The following PPP1R13L variants were observed in gnomAD, a reference collection of about 807,000 sequenced individuals.
The protein encoded by PPP1R13L is protein phosphatase 1 regulatory subunit 13 like, also known as relA-associated inhibitor.
A neutral mutation model predicts 80.9 loss-of-function variants in PPP1R13L; 50 were observed. The observed-to-expected ratio is 0.62, with a 90% CI of 0.49 to 0.78. The LOEUF is 0.78. Among genes scored for constraint, PPP1R13L ranks in the 30% least tolerant of loss-of-function variants. The probability of loss-of-function intolerance (pLI) is 0.00; values close to 1 mark genes in which losing one functional copy is unlikely to be tolerated. For synonymous variants in PPP1R13L, 602 were observed against 534.3 expected (o/e 1.13, Z -1.75); for missense variants, 1,200 against 1,205.9 (o/e 1.00, Z 0.07).
Position 45,380,079 on chromosome 19 carries a change from C to T in PPP1R13L, c.*111G>A. On this transcript the variant is annotated 3_prime_UTR_variant, in exon 13 of 13. Coordinates refer to ENST00000360957, the MANE Select transcript of PPP1R13L (RefSeq NM_006663.4). ...ACAGAGAACCGGTGGCAAGGACCAC[C>T]ACCAGCAGGGTGAGGGGTGCAGATA... The T allele has an allele frequency of 4.0e-6, 5 of 1,245,132 alleles. No individual in the cohort carries two copies. Among genetic ancestry groups the T allele is most frequent in the Non-Finnish European group, 4.6e-6 (4 of 867,564 alleles). The allele number at this position is 1,245,132 out of a possible 1,614,324, so 77.1% of individuals were successfully genotyped here.
chr19:45,385,837 C>T lies in PPP1R13L; in HGVS notation c.2068G>A (p.Asp690Asn), dbSNP rs375921349. The T allele has an allele frequency of 1.6e-5, 26 of 1,610,984 alleles. No individual in the cohort carries two copies. Among genetic ancestry groups the T allele is most frequent in the South Asian group, 1.1e-5 (1 of 90,924 alleles). Residue 690 changes from aspartate (D) to asparagine (N), a missense_variant, in exon 10 of 13, where the codon GAC (aspartate) becomes AAC (asparagine). Physicochemically the swap from Asp to Asn is conservative, Grantham distance 23. Transcript: ENST00000360957. ...GTCGGGGCTCACCAGCCGTGGCTGT[C>T]GGGGGAGTTGACATTGGCACCCGCG... ...ITAGANVNSPDSHGWTPLHCA... is the reference protein window; with the variant it reads ...ITAGANVNSPNSHGWTPLHCA...
chr19:45,395,944 TA>T (rs1973080375), intron 6 of PPP1R13L, 58 bp from the exon 7 acceptor site: 1 of 1,387,298 alleles, frequency 7.2e-7, no homozygotes, highest in Non-Finnish European at 9.9e-7. Context: ...GGAGGGGAGG[TA>T]AAGACAAAAG....
intron 1 of PPP1R13L, among the ~76,000 whole-genome samples, chr19:45,404,200 A>G (rs925740171): frequency 2.6e-5 from 4 of 152,152 alleles, no homozygotes; most frequent in Non-Finnish European, 4.4e-5. Context: ...ATGCCCGGCT[A>G]TGCAAACCTC....
chr19:45,402,112 C>G (rs924295991), intron 1 of PPP1R13L: 1 of 152,110 alleles, frequency 6.6e-6, no homozygotes, highest in African/African-American at 2.4e-5. Flanking sequence ...ATTGAGGCCT[C>G]AGGAAGAAGA....
chr19:45,382,416 T>C, intron 12 of PPP1R13L, 111 bp downstream of exon 12: 1 of 1,296,424 alleles, frequency 7.7e-7, no homozygotes, highest in Non-Finnish European at 1.1e-6. Context: ...CAGACCTCCC[T>C]CTCCCAATAT....
At position 45,396,638 on chromosome 19, in the gene PPP1R13L, G is replaced by A; in HGVS notation, c.619C>T (p.Pro207Ser). Residue 207 changes from proline (P) to serine (S), a missense_variant, in exon 4 of 13, where the codon CCT (proline) becomes TCT (serine). This residue lies in a region of PPP1R13L where 764 missense variants were observed against 714.5 expected (regional missense o/e 1.07). Coordinates refer to ENST00000360957, the MANE Select transcript of PPP1R13L (RefSeq NM_006663.4). The surrounding 1 kb of genome is among the most constrained non-coding windows in gnomAD (Gnocchi z 5.3). ...FPERGPSPRPPATAYDAPASA... is the reference protein window; with the variant it reads ...FPERGPSPRPSATAYDAPASA... ...GCTGGCGCGTCGTAGGCTGTGGCAG[G>A]GGGGCGCGGTGACGGCCCACGCTCG... 1 of 1,474,050 alleles carries A rather than the reference G, an allele frequency of 6.8e-7. No individual in the cohort carries two copies. The highest frequency in any genetic ancestry group is 8.9e-7 in the Non-Finnish European group (1 of 1,122,816). The allele number at this position is 1,474,050 out of a possible 1,614,324, so 91.3% of individuals were successfully genotyped here. A position where few individuals can be genotyped will look rare whatever the true frequency, so the allele number is the denominator to read the frequency against.
At chr19:45,398,387 AC>A in intron 1 of PPP1R13L, 48 bp from the exon 2 acceptor site, 2 of 1,575,082 alleles carry the variant, frequency 1.3e-6, no homozygotes. Context: ...GCCCCTCTAG[AC>A]CCCGCCCTCA....
chr19:45,385,977 G>A lies in PPP1R13L; in HGVS notation c.1948-20C>T. 1 of 1,602,796 alleles carries A rather than the reference G, an allele frequency of 6.2e-7. No individual in the cohort carries two copies. ...GTTCATCTGAGTGCACCGGGGGAGG[G>A]GGAAGACTCAGTCCCGCGGCTGGCA... On this transcript the variant is annotated intron_variant, in intron 9 of 12. Coordinates refer to ENST00000360957, the MANE Select transcript of PPP1R13L (RefSeq NM_006663.4).
At position 45,395,546 on chromosome 19, in the gene PPP1R13L, TG is replaced by T. The variant is rs1174976051; in HGVS notation, c.1243del (p.Gln415SerfsTer35). 1 of 1,475,648 alleles carries T rather than the reference TG, an allele frequency of 6.8e-7. No individual in the cohort carries two copies. Among genetic ancestry groups the T allele is most frequent in the South Asian group, 1.3e-5 (1 of 74,640 alleles). The allele number at this position is 1,475,648 out of a possible 1,614,324, so 91.4% of individuals were successfully genotyped here. ...CTGGGGCTGTGGTTGTGATTGTGGCTGGGGCTGTGGTTGTGGTTGGGGCTGC... is the reference window on the plus strand; with the variant it reads ...CTGGGGCTGTGGTTGTGATTGTGGCTGGGCTGTGGTTGTGGTTGGGGCTGC... ...KLQPQPQPQP[Q>X]PQSQPQPQLP... On this transcript the variant is annotated frameshift_variant, in exon 7 of 13. Transcript: ENST00000360957. LOFTEE classifies it high-confidence loss of function.
intron 8 of PPP1R13L, among the ~76,000 whole-genome samples, chr19:45,389,210 T>G (rs1196196638): frequency 1.3e-5 from 2 of 152,186 alleles, no homozygotes; most frequent in Non-Finnish European, 2.9e-5. Context: ...CATTTCAACA[T>G]GTTGTTATTC....
Position 45,396,446 on chromosome 19 carries a change from A to T in PPP1R13L, c.713-10T>A. The T allele has an allele frequency of 6.2e-7, 1 of 1,613,796 alleles. No individual in the cohort carries two copies. The highest frequency in any genetic ancestry group is 8.5e-7 in the Non-Finnish European group (1 of 1,179,902). On this transcript the variant is annotated splice_polypyrimidine_tract_variant and intron_variant, in intron 4 of 12. Transcript: ENST00000360957. This position sits in a 1 kb window ranked among gnomAD's most constrained non-coding sequence, Gnocchi z 5.3. ...CGCAGCGTCAGGTCGTCTGGGGAGA[A>T]GTTTCCAGGGAGGATGAGACGGGAG...
chr19:45,405,305 G>A (rs568456770), upstream of PPP1R13L, among the ~76,000 whole-genome samples: 1 of 152,220 alleles, frequency 6.6e-6, no homozygotes, highest in Admixed American at 6.5e-5. Context: ...GAAGAGCCGA[G>A]ACGCCTGCCT....
intron 1 of PPP1R13L, among the ~76,000 whole-genome samples, chr19:45,404,085 G>A (rs1391013365): frequency 6.6e-6 from 1 of 152,188 alleles, no homozygotes; most frequent in African/African-American, 2.4e-5. Flanking sequence ...CCGTCCCCCA[G>A]AGAGCTGCAG....
intron 11 of PPP1R13L, 50 bp from the exon 12 acceptor site, chr19:45,382,776 G>A (rs761396969): frequency 6.3e-7 from 1 of 1,591,834 alleles, no homozygotes; most frequent in African/African-American, 1.3e-5. Flanking sequence ...AGGGGGTCCA[G>A]GAACAGGGGC....
intron 1 of PPP1R13L, among the ~76,000 whole-genome samples, chr19:45,403,767 A>C (rs1227268109): frequency 1.3e-5 from 2 of 152,120 alleles, no homozygotes; most frequent in Non-Finnish European, 2.9e-5. Context: ...CTTCAAGCCC[A>C]GACATTGGGA....
chr19:45,385,518 G>A (rs1228155778), intron 11 of PPP1R13L, 44 bp downstream of exon 11: 1 of 1,562,404 alleles, frequency 6.4e-7, no homozygotes, highest in East Asian at 2.3e-5. Context: ...CCCCGCTCCT[G>A]CGCACCCGCC....
At chr19:45,405,719 G>A (rs1191805481), upstream of PPP1R13L, among the ~76,000 whole-genome samples, 1 of 152,238 alleles carries the variant, frequency 6.6e-6, no homozygotes, top group Non-Finnish European at 1.5e-5. Flanking sequence ...CAATTCTGGA[G>A]TAGGATCCTA....
rs1342979626 is a variant in PPP1R13L at position 45,396,770 on chromosome 19, GC to G, written c.486del (p.Pro163GlnfsTer61). On this transcript the variant is annotated frameshift_variant, in exon 4 of 13. Coordinates refer to ENST00000360957, the MANE Select transcript of PPP1R13L (RefSeq NM_006663.4). LOFTEE classifies it high-confidence loss of function. The surrounding 1 kb of genome is among the most constrained non-coding windows in gnomAD (Gnocchi z 5.3). ...SLGRAPSPRP[G>X]PGPLRQQGPP... is the part of the protein sequence containing the mutation. ...GGACCCTGCTGGCGGAGCGGGCCTG[GC>G]CCGGGCCGCGGGGAGGGCGCACGGC... 7.4e-7 allele frequency: 1 copy of G among 1,356,618 alleles called. No homozygotes were observed. Among genetic ancestry groups the G allele is most frequent in the Non-Finnish European group, 9.4e-7 (1 of 1,065,268 alleles). 84.0% of individuals were successfully genotyped at this position (1,356,618 alleles called of 1,614,324 possible). A position where few individuals can be genotyped will look rare whatever the true frequency, so the allele number is the denominator to read the frequency against.
chr19:45,400,006 C>A (rs1270275983), intron 1 of PPP1R13L, among the ~76,000 whole-genome samples: 1 of 151,736 alleles, frequency 6.6e-6, no homozygotes, highest in East Asian at 1.9e-4. Flanking sequence ...AAATGCCGTG[C>A]ACCGAAAGCT....
Sources: allele counts gnomAD v4.1 joint callset (sites outside exome capture counted in the v4.1 genomes callset), GRCh38; gene constraint gnomAD v4.1.1; regional missense constraint gnomAD v4.1.1; non-coding constraint Gnocchi (gnomAD v3.1); transcripts MANE v1.5; gene names NCBI Gene and HGNC (gene_info 2026-07-23, HGNC 2026-07-21).